MAPK10: variants seen among roughly 807,000 people sequenced by gnomAD.
MAPK10 encodes mitogen-activated protein kinase 10.
Under a neutral mutation model 59.3 loss-of-function variants are expected in MAPK10, and 25 were observed. The observed-to-expected ratio is 0.42, with a 90% CI of 0.31 to 0.59. MAPK10 has a LOEUF of 0.59. Among genes scored for constraint, MAPK10 ranks in the 20% least tolerant of loss-of-function variants. The probability of loss-of-function intolerance (pLI) is 0.15; values close to 1 mark genes in which losing one functional copy is unlikely to be tolerated. For synonymous variants in MAPK10, 190 were observed against 200.5 expected, an observed-to-expected ratio of 0.95 and a Z score of 0.44; for missense variants, 351 against 568.9, an observed-to-expected ratio of 0.62 and a Z score of 3.90.
intron 3 of MAPK10, among the ~76,000 whole-genome samples, chr4:86,165,556 T>A (rs2071399265): frequency 6.6e-5 from 6 of 91,586 alleles, no homozygotes; most frequent in African/African-American, 4.1e-4. Flanking sequence ...TTTTTTTTTT[T>A]TTTTTTTTTT....
At chr4:86,493,157 G>C (rs928139386) in intron 1 of MAPK10, among the ~76,000 whole-genome samples, 4 of 152,146 alleles carry the variant, frequency 2.6e-5, no homozygotes, top group African/African-American at 9.7e-5. Flanking sequence ...TCCGATTCCT[G>C]TACGTCACTT....
At chr4:86,410,961 C>T (rs1745096415) in intron 1 of MAPK10, among the ~76,000 whole-genome samples, 1 of 152,058 alleles carries the variant, frequency 6.6e-6, no homozygotes, top group African/African-American at 2.4e-5. Context: ...TGCGTTTGCT[C>T]TTGCTTCTCT....
chr4:86,521,103 T>C (rs59218776), intron 1 of MAPK10, among the ~76,000 whole-genome samples: 4,123 of 152,326 alleles, frequency 0.027, 193 homozygotes, highest in African/African-American at 0.094. Context: ...ATGCTAGCAG[T>C]GAAGCTTTCA....
At chr4:86,323,605 G>A (rs1285996463) in intron 2 of MAPK10, among the ~76,000 whole-genome samples, 3 of 152,156 alleles carry the variant, frequency 2.0e-5, no homozygotes, top group African/African-American at 7.2e-5. Flanking sequence ...AAATTCCAGA[G>A]ATGACTGTAA....
chr4:86,385,543 A>G (rs1014279633), intron 1 of MAPK10, among the ~76,000 whole-genome samples: 1 of 152,190 alleles, frequency 6.6e-6, no homozygotes, highest in Non-Finnish European at 1.5e-5. Context: ...TCCTTTATAA[A>G]TTAATCATAT....
chr4:86,461,111 G>A (rs978964107), intron 1 of MAPK10, among the ~76,000 whole-genome samples: 5 of 144,262 alleles, frequency 3.5e-5, no homozygotes, highest in Non-Finnish European at 7.5e-5. Flanking sequence ...AACTAAGCTG[G>A]AGGACACCTG....
intron 2 of MAPK10, among the ~76,000 whole-genome samples, chr4:86,302,271 T>C (rs1445224217): frequency 4.6e-5 from 7 of 152,220 alleles, no homozygotes; most frequent in East Asian, 3.8e-4. Flanking sequence ...CAATTACATA[T>C]AGTTTTAAAT....
chr4:86,096,103 G>A (rs2054173998), intron 9 of MAPK10, among the ~76,000 whole-genome samples: 1 of 151,144 alleles, frequency 6.6e-6, no homozygotes. Context: ...CATCACTTGA[G>A]ATAAAGAAAT....
At chr4:86,563,487 G>A (rs759233104) in intron 1 of MAPK10, among the ~76,000 whole-genome samples, 3 of 152,190 alleles carry the variant, frequency 2.0e-5, no homozygotes, top group Non-Finnish European at 4.4e-5. Flanking sequence ...TTTATGGGAT[G>A]AAGTATCTGT....
chr4:86,169,859 G>A (rs374830128), intron 3 of MAPK10, among the ~76,000 whole-genome samples: 46 of 152,118 alleles, frequency 3.0e-4, no homozygotes, highest in Admixed American at 1.0e-3. Flanking sequence ...GACTAACAGC[G>A]GATCTCTCGG....
intron 4 of MAPK10, among the ~76,000 whole-genome samples, chr4:86,109,055 G>A (rs553971479): frequency 5.3e-4 from 80 of 152,190 alleles, no homozygotes; most frequent in African/African-American, 1.7e-3. Flanking sequence ...AATAAACATT[G>A]CTACTCTGGG....
chr4:86,080,112 A>G (rs1446751048), intron 9 of MAPK10: 2 of 152,108 alleles, frequency 1.3e-5, no homozygotes, highest in Non-Finnish European at 2.9e-5. Flanking sequence ...GTTATAAATG[A>G]ATGTCTATTT....
intron 9 of MAPK10, among the ~76,000 whole-genome samples, chr4:86,068,874 C>T (rs1469869): frequency 0.44 from 66,797 of 151,926 alleles, 15,338 homozygotes; most frequent in African/African-American, 0.56. Flanking sequence ...CTCTGAAGAA[C>T]CAACTGGAAA....
upstream of MAPK10, among the ~76,000 whole-genome samples, chr4:86,362,691 A>C (rs1339897254): frequency 6.6e-6 from 1 of 152,182 alleles, no homozygotes; most frequent in East Asian, 1.9e-4. Flanking sequence ...CATATGAAAA[A>C]GTATTATATA....
chr4:86,186,045 C>T (rs2078153151), intron 3 of MAPK10, among the ~76,000 whole-genome samples: 1 of 152,014 alleles, frequency 6.6e-6, no homozygotes, highest in African/African-American at 2.4e-5. Flanking sequence ...AGTGGGAGCA[C>T]TAGAAAGTGA....
chr4:86,159,600 G>A, intron 3 of MAPK10, 133 bp from the exon 4 acceptor site: 2 of 657,064 alleles, frequency 3.0e-6, no homozygotes, highest in South Asian at 2.5e-5. Context: ...AGTTCACATA[G>A]AAAAAAAATA....
intron 4 of MAPK10, among the ~76,000 whole-genome samples, chr4:86,139,275 T>C (rs1240851489): frequency 4.7e-5 from 7 of 149,590 alleles, no homozygotes; most frequent in African/African-American, 1.8e-4. Context: ...CTACCTAACT[T>C]CAAACTATAC....
chr4:86,323,570 C>T (rs1160648668), intron 2 of MAPK10, among the ~76,000 whole-genome samples: 1 of 152,132 alleles, frequency 6.6e-6, no homozygotes, highest in South Asian at 2.1e-4. Context: ...ATAATCACTC[C>T]TACAGCAGTC....
intron 11 of MAPK10, among the ~76,000 whole-genome samples, chr4:86,062,983 CTT>C (rs1292808473): frequency 6.6e-6 from 1 of 152,080 alleles, no homozygotes; most frequent in Non-Finnish European, 1.5e-5. Flanking sequence ...TAAAAATTAA[CTT>C]GAGGCAACAT....
Sources: gnomAD v4.1 joint callset for allele counts (sites outside exome capture counted in the v4.1 genomes callset) on GRCh38, gnomAD v4.1.1 for gene constraint, MANE v1.5 for transcripts, NCBI Gene and HGNC (gene_info 2026-07-23, HGNC 2026-07-21) for gene names.